Variants in SUSD3 observed in about 807,000 individuals in gnomAD.
The protein encoded by SUSD3 is sushi domain containing 3, also known as sushi domain-containing protein 3.
In SUSD3, 18 loss-of-function variants were observed where a neutral mutation model predicts 20.6. The observed-to-expected ratio is 0.87, with a 90% CI of 0.60 to 1.30. SUSD3 has a LOEUF of 1.30. Among genes scored for constraint, SUSD3 ranks in the 50% most tolerant of loss-of-function variants. The pLI is 0.00. For synonymous variants in SUSD3, 137 were observed against 141.5 expected (o/e 0.97, Z 0.23); for missense variants, 306 against 346.9 (o/e 0.88, Z 0.94).
chr9:93,074,098 T>G (rs1826023508), intron 1 of SUSD3, among the ~76,000 whole-genome samples: 1 of 152,216 alleles, frequency 6.6e-6, no homozygotes, highest in Admixed American at 6.5e-5. Flanking sequence ...CGTTATAATT[T>G]TATAAAAATT....
At chr9:93,059,191 C>T (rs1191011790) in intron 1 of SUSD3, among the ~76,000 whole-genome samples, 4 of 151,858 alleles carry the variant, frequency 2.6e-5, no homozygotes, top group African/African-American at 9.7e-5. Flanking sequence ...CCGGCCTCAC[C>T]TGGCGGGCGG....
At chr9:93,080,318 C>CAAAAAAAAA (rs56134136) in intron 4 of SUSD3, among the ~76,000 whole-genome samples, 13 of 56,698 alleles carry the variant, frequency 2.3e-4, no homozygotes, top group East Asian at 5.6e-4. Context: ...GACTCCGTCT[C>CAAAAAAAAA]AAAAAAAAAA....
Position 93,069,857 on chromosome 9 carries a change from G to A in SUSD3, c.89-5927G>A, listed in dbSNP as rs544433556. The stretch of plus-strand genomic sequence containing the variant: ...TGCAGTGGTACGATTTTGGCTCACT[G>A]CAACCTCTGCTTCCTGGGATCAGGC... On this transcript the variant is annotated intron_variant, in intron 1 of 4. Transcript: ENST00000375472. Among the ~76,000 whole-genome samples the A allele has an allele frequency of 5.3e-5, 8 of 151,478 alleles. No homozygotes were observed. In the East Asian group the frequency reaches 1.6e-3, roughly 29 times the overall value.
chr9:93,066,652 C>T (rs183661074), intron 1 of SUSD3, among the ~76,000 whole-genome samples: 2 of 152,332 alleles, frequency 1.3e-5, no homozygotes, highest in African/African-American at 2.4e-5. Flanking sequence ...AATCATAGAA[C>T]TCAGTAGCTT....
At chr9:93,066,755 C>T (rs931164295) in intron 1 of SUSD3, among the ~76,000 whole-genome samples, 2 of 151,638 alleles carry the variant, frequency 1.3e-5, no homozygotes, top group African/African-American at 4.9e-5. Context: ...GTTGCCCTGG[C>T]TGGAGTGCAG....
intron 1 of SUSD3, among the ~76,000 whole-genome samples, chr9:93,067,522 A>C (rs1825761703): frequency 1.3e-5 from 2 of 151,854 alleles, no homozygotes. Flanking sequence ...AAGCTGTTGC[A>C]CCATTCTGTT....
At chr9:93,079,662 C>T (rs1360810340) in intron 4 of SUSD3, 60 bp downstream of exon 4, 2 of 1,579,712 alleles carry the variant, frequency 1.3e-6, no homozygotes, top group Admixed American at 3.4e-5. Flanking sequence ...TTGGTCAGGC[C>T]CCGGGCCACC....
At chr9:93,084,501 C>T (rs751363079) in intron 4 of SUSD3, 36 bp from the exon 5 acceptor site, 5 of 1,536,156 alleles carry the variant, frequency 3.3e-6, no homozygotes, top group Non-Finnish European at 3.5e-6. Flanking sequence ...ACCCTATCCA[C>T]ACTCTTTTGC....
chr9:93,066,477 C>G (rs550809750), intron 1 of SUSD3, among the ~76,000 whole-genome samples: 88 of 152,326 alleles, frequency 5.8e-4, no homozygotes, highest in African/African-American at 2.1e-3. Context: ...CATGATCCGC[C>G]TGCCTCAGCC....
intron 2 of SUSD3, among the ~76,000 whole-genome samples, chr9:93,077,132 G>A (rs1044194767): frequency 6.6e-6 from 1 of 152,168 alleles, no homozygotes; most frequent in African/African-American, 2.4e-5. Flanking sequence ...TTAGGATTCC[G>A]AGGCCTTTTT....
chr9:93,064,012 C>T (rs1394462171), intron 1 of SUSD3, among the ~76,000 whole-genome samples: 1 of 152,106 alleles, frequency 6.6e-6, no homozygotes, highest in East Asian at 1.9e-4. Flanking sequence ...TCAGTGTTAC[C>T]TCGCTGGCTG....
intron 1 of SUSD3, among the ~76,000 whole-genome samples, chr9:93,070,042 G>A (rs1328644393): frequency 1.3e-5 from 2 of 152,116 alleles, no homozygotes; most frequent in Non-Finnish European, 1.5e-5. Flanking sequence ...GCCTCCCAAA[G>A]TGCTGGGATT....
chr9:93,073,336 T>G (rs1825987012), intron 1 of SUSD3, among the ~76,000 whole-genome samples: 1 of 147,410 alleles, frequency 6.8e-6, no homozygotes, highest in Non-Finnish European at 1.5e-5. Context: ...AAGCTCTGCC[T>G]CCTGGGTTCA....
chr9:93,074,569 A>G (rs1487155627), intron 1 of SUSD3, among the ~76,000 whole-genome samples: 2 of 141,314 alleles, frequency 1.4e-5, no homozygotes, highest in South Asian at 2.3e-4. Context: ...ACTATTATGT[A>G]TGGTTCTGAG....
rs768949349 is a variant in SUSD3, at chr9:93,075,751, C to A, written c.89-33C>A. ...TGCCCTGCGTGCCCACCCCCCCCCC[C>A]CCGCCATGCCTCATACCTGCCTGTC... On this transcript the variant is annotated intron_variant, in intron 1 of 4. Transcript: ENST00000375472. 7.6e-5 allele frequency: 19 copies of A among 248,752 alleles called. 2 individuals carry two copies. Among genetic ancestry groups the A allele is most frequent in the Non-Finnish European group, 1.1e-4 (15 of 130,988 alleles). 15.4% of individuals were successfully genotyped at this position (248,752 alleles called of 1,614,324 possible). A position where few individuals can be genotyped will look rare whatever the true frequency, so the allele number is the denominator to read the frequency against.
chr9:93,076,489 G>C (rs1826173388), intron 2 of SUSD3, among the ~76,000 whole-genome samples: 1 of 152,150 alleles, frequency 6.6e-6, no homozygotes, highest in Non-Finnish European at 1.5e-5. Flanking sequence ...TCTTGTACAG[G>C]TGTTGAAAGG....
At chr9:93,058,900 AG>A in intron 1 of SUSD3, 70 bp downstream of exon 1, 1 of 1,002,498 alleles carries the variant, frequency 1.0e-6, no homozygotes, top group Non-Finnish European at 1.3e-6. Context: ...AGCCGAGGGG[AG>A]GGGGTCGCGG....
intron 4 of SUSD3, among the ~76,000 whole-genome samples, chr9:93,083,406 A>T (rs541857061): frequency 6.6e-6 from 1 of 152,146 alleles, no homozygotes; most frequent in African/African-American, 2.4e-5. Flanking sequence ...GGGGCTGCCC[A>T]CCCCTCAGGC....
chr9:93,068,120 A>G (rs1254868727), intron 1 of SUSD3, among the ~76,000 whole-genome samples: 2 of 152,308 alleles, frequency 1.3e-5, no homozygotes, highest in East Asian at 3.9e-4. Context: ...CTCTTATCAG[A>G]TACATGATTT....
Sources: allele counts gnomAD v4.1 joint callset (sites outside exome capture counted in the v4.1 genomes callset), GRCh38; gene constraint gnomAD v4.1.1; transcripts MANE v1.5; gene names NCBI Gene and HGNC (gene_info 2026-07-23, HGNC 2026-07-21).